PATJ: variants seen among roughly 807,000 people sequenced by gnomAD.
PATJ encodes inaD-like protein.
In PATJ, 190 loss-of-function variants were observed where a neutral mutation model predicts 224.9. That is an observed-to-expected ratio of 0.84 (90% CI 0.75 to 0.95). The LOEUF is 0.95. Ranked by LOEUF, PATJ falls within the 40% of genes least tolerant of loss-of-function variation. The probability of loss-of-function intolerance (pLI) is 0.00; values close to 1 mark genes in which losing one functional copy is unlikely to be tolerated. For synonymous variants in PATJ, 769 were observed against 820.3 expected (o/e 0.94, Z 1.07); for missense variants, 2,121 against 2,270.3 (o/e 0.93, Z 1.34).
At chr1:62,005,142 A>AT (rs559515793) in intron 28 of PATJ, among the ~76,000 whole-genome samples, 2,427 of 145,988 alleles carry the variant, frequency 0.017, 46 homozygotes, top group South Asian at 0.072. Flanking sequence ...ATTTTTTAGG[A>AT]TTTTTTTTTT....
In PATJ at chr1:62,004,947, C is replaced by A. The variant is rs1645999601; in HGVS notation, c.3868-12909C>A. Among the ~76,000 whole-genome samples the A allele has an allele frequency of 2.6e-5, 4 of 152,128 alleles. No homozygotes were observed. In the South Asian group the frequency reaches 8.3e-4, roughly 32 times the overall value. On this transcript the variant is annotated intron_variant, in intron 28 of 43. Transcript: ENST00000642238. Reference sequence around the variant, plus strand: ...TTTGTTATTTTCTTCACTCTGCATGCAGTGTTTTCTTTCTATGACAATGCA... The same window carrying A: ...TTTGTTATTTTCTTCACTCTGCATGAAGTGTTTTCTTTCTATGACAATGCA...
At position 62,011,567 on chromosome 1, in the gene PATJ, A is replaced by G. The variant is rs139582581; in HGVS notation, c.3868-6289A>G. 2.1e-3 allele frequency among the ~76,000 whole-genome samples: 315 copies of G among 152,326 alleles called. 1 individual carries two copies. Among genetic ancestry groups the G allele is most frequent in the African/African-American group, 6.9e-3 (287 of 41,570 alleles). On this transcript the variant is annotated intron_variant, in intron 28 of 43. Coordinates refer to ENST00000642238, the MANE Select transcript of PATJ (RefSeq NM_001350145.3). ...AATAACATTGAAGGTCATGGATCAC[A>G]TATCGCCATAACAGACAGAATAATA...
At chr1:61,899,059 G>A (rs1670763554) in intron 22 of PATJ, among the ~76,000 whole-genome samples, 1 of 152,104 alleles carries the variant, frequency 6.6e-6, no homozygotes, top group Non-Finnish European at 1.5e-5. Flanking sequence ...AAGCAGTGAG[G>A]ATCATATTAG....
intron 18 of PATJ, among the ~76,000 whole-genome samples, chr1:61,860,101 C>T (rs1177992283): frequency 6.6e-6 from 1 of 152,128 alleles, no homozygotes; most frequent in East Asian, 1.9e-4. Flanking sequence ...TATATCTATA[C>T]ACTTCATGTT....
intron 29 of PATJ, among the ~76,000 whole-genome samples, chr1:62,035,228 G>A (rs1239143985): frequency 1.3e-5 from 2 of 152,166 alleles, no homozygotes; most frequent in African/African-American, 4.8e-5. Context: ...GTCTGCTCAA[G>A]GCACCTGAAA....
intron 8 of PATJ, among the ~76,000 whole-genome samples, chr1:61,789,299 CT>C (rs1448463966): frequency 2.0e-5 from 3 of 148,806 alleles, no homozygotes; most frequent in African/African-American, 7.4e-5. Context: ...GGGCAAGACT[CT>C]ATTAAAAAAA....
intron 41 of PATJ, among the ~76,000 whole-genome samples, chr1:62,137,760 G>T (rs1252287576): frequency 1.3e-5 from 2 of 152,026 alleles, no homozygotes; most frequent in Non-Finnish European, 1.5e-5. Context: ...GTCTCTAACT[G>T]TTCCGTAGGC....
At chr1:61,930,930 C>T (rs10889270) in intron 27 of PATJ, among the ~76,000 whole-genome samples, 79,633 of 152,000 alleles carry the variant, frequency 0.52, 23,163 homozygotes, top group East Asian at 0.78. Flanking sequence ...CTGAAACTCC[C>T]GACCTCAGGT....
intron 11 of PATJ, among the ~76,000 whole-genome samples, chr1:61,798,488 G>T (rs1350955950): frequency 6.6e-6 from 1 of 152,084 alleles, no homozygotes; most frequent in South Asian, 2.1e-4. Flanking sequence ...TGTTAACCAC[G>T]GTGCCTGGCT....
chr1:61,978,119 A>G (rs1301626987), intron 27 of PATJ, among the ~76,000 whole-genome samples: 1 of 150,518 alleles, frequency 6.6e-6, no homozygotes, highest in African/African-American at 2.5e-5. Flanking sequence ...TATTTTCTCT[A>G]TTTGTTTATG....
chr1:62,019,088 A>G (rs1646933730), intron 29 of PATJ, among the ~76,000 whole-genome samples: 1 of 152,102 alleles, frequency 6.6e-6, no homozygotes, highest in Non-Finnish European at 1.5e-5. Context: ...ACTAAAAAAT[A>G]CAAAAAATTA....
At chr1:61,851,216 A>G (rs987714090) in intron 17 of PATJ, among the ~76,000 whole-genome samples, 45 of 152,256 alleles carry the variant, frequency 3.0e-4, no homozygotes, top group Non-Finnish European at 4.7e-4. Context: ...AGGAAGACCA[A>G]ACTAATTCTA....
At chr1:61,869,830 G>A (rs1459356828) in intron 20 of PATJ, among the ~76,000 whole-genome samples, 1 of 152,230 alleles carries the variant, frequency 6.6e-6, no homozygotes, top group Non-Finnish European at 1.5e-5. Flanking sequence ...CACCCCTCAT[G>A]GGAGGGGAGC....
In PATJ at chr1:62,019,199, C is replaced by G. The variant is rs185979568; in HGVS notation, c.3959+1252C>G. 9.4e-5 allele frequency among the ~76,000 whole-genome samples: 14 copies of G among 148,932 alleles called. No homozygotes were observed. The South Asian group carries it at 3.0e-3, about 32-fold the overall frequency. On this transcript the variant is annotated intron_variant, in intron 29 of 43. Coordinates refer to ENST00000642238, the MANE Select transcript of PATJ (RefSeq NM_001350145.3). The stretch of plus-strand genomic sequence containing the variant: ...GGCAGAGGCTGCAGTGAGCTGAGAT[C>G]GCACCATTGCACTCCAGCCTGGACG...
intron 27 of PATJ, among the ~76,000 whole-genome samples, chr1:61,957,153 T>C (rs778114465): frequency 1.3e-5 from 2 of 152,168 alleles, no homozygotes; most frequent in Non-Finnish European, 2.9e-5. Flanking sequence ...GTAGAAAAGG[T>C]CATTTTGCAT....
intron 35 of PATJ, among the ~76,000 whole-genome samples, chr1:62,115,171 A>T (rs1441177555): frequency 6.6e-6 from 1 of 152,106 alleles, no homozygotes; most frequent in East Asian, 1.9e-4. Flanking sequence ...TTAGCCAGGC[A>T]TAGTGGCAGA....
intron 1 of PATJ, among the ~76,000 whole-genome samples, chr1:61,762,327 G>T (rs1646014735): frequency 6.6e-6 from 1 of 151,880 alleles, no homozygotes; most frequent in South Asian, 2.1e-4. Flanking sequence ...TATCATTTTT[G>T]AGATTTATCC....
intron 30 of PATJ, among the ~76,000 whole-genome samples, chr1:62,042,627 G>A (rs1175008550): frequency 6.6e-6 from 1 of 151,888 alleles, no homozygotes; most frequent in African/African-American, 2.4e-5. Context: ...TTATTTCTTT[G>A]TTCAGCAAAT....
intron 33 of PATJ, among the ~76,000 whole-genome samples, chr1:62,104,617 T>C (rs1304591106): frequency 6.6e-6 from 1 of 152,200 alleles, no homozygotes; most frequent in Non-Finnish European, 1.5e-5. Context: ...GGCCGTTTTC[T>C]ATTGACAGGT....
Sources: allele counts gnomAD v4.1 joint callset (sites outside exome capture counted in the v4.1 genomes callset), GRCh38; gene constraint gnomAD v4.1.1; transcripts MANE v1.5; gene names NCBI Gene and HGNC (gene_info 2026-07-23, HGNC 2026-07-21).